Variants in SEL1L observed in about 807,000 individuals in gnomAD.
SEL1L encodes the protein SEL1L adaptor subunit of SYVN1 ubiquitin ligase, also known as protein sel-1 homolog 1.
A neutral mutation model predicts 109.8 loss-of-function variants in SEL1L; 52 were observed. The ratio of observed to expected loss-of-function variants is 0.47; its 90% confidence interval spans 0.38 to 0.60. The LOEUF (loss-of-function observed/expected upper bound fraction) is 0.60, where lower values mean the gene tolerates loss of function less well. SEL1L is among the 20% of genes least tolerant of loss of function. SEL1L has a pLI of 0.00. For missense variants in SEL1L, 749 were observed against 962.2 expected (o/e 0.78, Z 2.93); for synonymous variants, 373 against 339.6 (o/e 1.10, Z -1.08).
At chr14:81,516,728 A>T (rs968090813) in intron 3 of SEL1L, among the ~76,000 whole-genome samples, 1 of 152,138 alleles carries the variant, frequency 6.6e-6, no homozygotes, top group Non-Finnish European at 1.5e-5. Flanking sequence ...TTTCAATAAA[A>T]ACTCCAGGCA....
At chr14:81,531,996 C>T (rs1885345463) in intron 1 of SEL1L, among the ~76,000 whole-genome samples, 1 of 152,196 alleles carries the variant, frequency 6.6e-6, no homozygotes, top group African/African-American at 2.4e-5. Context: ...TCAGAGCAGA[C>T]ATTTCTTGAA....
At chr14:81,529,973 G>A (rs1037555991) in intron 1 of SEL1L, among the ~76,000 whole-genome samples, 2 of 152,198 alleles carry the variant, frequency 1.3e-5, no homozygotes, top group Non-Finnish European at 2.9e-5. Flanking sequence ...ATTAAGTTAT[G>A]CGCTTCTCGC....
chr14:81,526,974 T>C lies in SEL1L; in HGVS notation c.109-10A>G, dbSNP rs1202920904. On this transcript the variant is annotated splice_polypyrimidine_tract_variant and intron_variant, in intron 2 of 20. Transcript: ENST00000336735. ...CTGATGTCAAAGTAGTCTGAGAATA[T>C]AAAGTATTTTTAGTTATCAACAATG... 4.4e-6 allele frequency: 7 copies of C among 1,593,778 alleles called. No individual in the cohort carries two copies. Among genetic ancestry groups the C allele is most frequent in the Non-Finnish European group, 5.2e-6 (6 of 1,162,144 alleles).
intron 12 of SEL1L, 128 bp downstream of exon 12, chr14:81,492,352 T>A (rs999048728): frequency 1.4e-6 from 1 of 737,382 alleles, no homozygotes; most frequent in East Asian, 2.8e-5. Context: ...CTTTAAGATA[T>A]AATAGTCTTG....
At chr14:81,523,675 C>T (rs1051641615) in intron 3 of SEL1L, among the ~76,000 whole-genome samples, 2 of 151,986 alleles carry the variant, frequency 1.3e-5, no homozygotes, top group Non-Finnish European at 2.9e-5. Context: ...TCTCAAGTAG[C>T]GGGGACTGGT....
At chr14:81,487,665 T>C in intron 15 of SEL1L, 127 bp from the exon 16 acceptor site, 2 of 1,515,070 alleles carry the variant, frequency 1.3e-6, no homozygotes, top group South Asian at 1.2e-5. Context: ...GTGAATCTAA[T>C]ACAAGCTAAC....
intron 16 of SEL1L, 128 bp downstream of exon 16, chr14:81,487,262 T>C: frequency 2.5e-6 from 2 of 815,622 alleles, no homozygotes; most frequent in South Asian, 4.2e-5. Context: ...TCCCTCAGTA[T>C]ATCAAAGCTA....
chr14:81,484,644 G>A (rs1054153700), intron 18 of SEL1L: 1 of 347,466 alleles, frequency 2.9e-6, no homozygotes, highest in Non-Finnish European at 5.4e-6. Context: ...GTGTGTAGGG[G>A]GACAGGTTTA....
At chr14:81,506,814 C>T (rs886818658) in intron 3 of SEL1L, among the ~76,000 whole-genome samples, 1 of 152,136 alleles carries the variant, frequency 6.6e-6, no homozygotes, top group Non-Finnish European at 1.5e-5. Context: ...GTAATTTATT[C>T]TATAAATTAT....
chr14:81,526,100 G>A (rs1885101532), intron 3 of SEL1L, among the ~76,000 whole-genome samples: 1 of 152,116 alleles, frequency 6.6e-6, no homozygotes. Context: ...ATAAGGCAGT[G>A]ATCATTGAAA....
chr14:81,487,288 G>C, intron 16 of SEL1L, 102 bp downstream of exon 16: 1 of 1,154,380 alleles, frequency 8.7e-7, no homozygotes, highest in South Asian at 1.7e-5. Flanking sequence ...GCTGAGTCTA[G>C]AACTACAGAA....
chr14:81,518,196 G>A (rs1884775738), intron 3 of SEL1L, among the ~76,000 whole-genome samples: 1 of 151,582 alleles, frequency 6.6e-6, no homozygotes, highest in South Asian at 2.1e-4. Context: ...CCCGGCTTGG[G>A]ACGGAACTTC....
chr14:81,512,927 C>G (rs1406937283), intron 3 of SEL1L, among the ~76,000 whole-genome samples: 2 of 152,204 alleles, frequency 1.3e-5, no homozygotes, highest in Non-Finnish European at 2.9e-5. Flanking sequence ...TCATGTGGCC[C>G]TCGGCTGCTA....
intron 18 of SEL1L, among the ~76,000 whole-genome samples, chr14:81,485,442 A>AT (rs1393591805): frequency 6.8e-4 from 99 of 146,112 alleles, no homozygotes; most frequent in African/African-American, 1.4e-3. Context: ...TGCCCAGCTA[A>AT]TTTTTTTTGT....
At chr14:81,529,707 A>G (rs577411479) in intron 1 of SEL1L, among the ~76,000 whole-genome samples, 1 of 152,318 alleles carries the variant, frequency 6.6e-6, no homozygotes, top group South Asian at 2.1e-4. Context: ...ATTACTGGTG[A>G]ATAAGATAAT....
chr14:81,473,150 T>C lies in SEL1L; in HGVS notation c.*3822A>G, dbSNP rs1903056484. On this transcript the variant is annotated 3_prime_UTR_variant, in exon 21 of 21. Transcript: ENST00000336735. ...TTCCTCTTCTACATATTTATAGTGG[T>C]TACATCTTGATTATATCAACATTAT... 1 of 152,248 alleles carries C rather than the reference T, an allele frequency of 6.6e-6. No homozygotes were observed. The highest frequency in any genetic ancestry group is 1.5e-5 in the Non-Finnish European group (1 of 68,060). The allele number at this position is 152,248 out of a possible 1,614,324, so 9.4% of individuals were successfully genotyped here.
At chr14:81,527,386 T>G (rs765784855) in intron 2 of SEL1L, among the ~76,000 whole-genome samples, 3 of 151,826 alleles carry the variant, frequency 2.0e-5, no homozygotes, top group Non-Finnish European at 4.4e-5. Flanking sequence ...ACTGGATTTA[T>G]TTTTGAGAAC....
intron 17 of SEL1L, 40 bp downstream of exon 17, chr14:81,486,249 G>A (rs755766992): frequency 4.4e-6 from 7 of 1,599,258 alleles, no homozygotes; most frequent in African/African-American, 1.3e-5. Context: ...GTGTGAACTC[G>A]TACATTCTAA....
At chr14:81,498,389 A>C (rs1330645191) in intron 9 of SEL1L, 24 bp downstream of exon 9, 7 of 1,565,066 alleles carry the variant, frequency 4.5e-6, no homozygotes, top group Non-Finnish European at 5.2e-6. Context: ...TTTTCCTAAA[A>C]GGTAAAAGGG....
Sources: gnomAD v4.1 joint callset for allele counts (sites outside exome capture counted in the v4.1 genomes callset) on GRCh38, gnomAD v4.1.1 for gene constraint, MANE v1.5 for transcripts, NCBI Gene and HGNC (gene_info 2026-07-23, HGNC 2026-07-21) for gene names.